Variants in CYP20A1 observed in about 807,000 individuals in gnomAD.
CYP20A1 encodes cytochrome P450 20A1.
A neutral mutation model predicts 61.4 loss-of-function variants in CYP20A1; 61 were observed. The ratio of observed to expected loss-of-function variants is 0.99; its 90% CI spans 0.81 to 1.23. CYP20A1 has a LOEUF of 1.23. Among genes scored for constraint, CYP20A1 ranks in the 50% most tolerant of loss-of-function variants. The pLI is 0.00. For missense variants in CYP20A1, 530 were observed against 542.4 expected (o/e 0.98, Z 0.23); for synonymous variants, 193 against 188.2 (o/e 1.03, Z -0.21).
chr2:203,257,572 A>C (rs994250456), intron 4 of CYP20A1, among the ~76,000 whole-genome samples: 2 of 151,962 alleles, frequency 1.3e-5, no homozygotes, highest in Admixed American at 1.3e-4. Flanking sequence ...GGTGGATCAC[A>C]AGGTCAGGAG....
chr2:203,278,605 A>G lies in CYP20A1; in HGVS notation c.712A>G (p.Ile238Val). 3.7e-6 allele frequency: 6 copies of G among 1,605,254 alleles called. No individual in the cohort carries two copies. The highest frequency in any genetic ancestry group is 5.1e-6 in the Non-Finnish European group (6 of 1,175,950). Reference protein sequence around the residue: ...LMQLESVLRNIIKERKGRNFS... With the variant: ...LMQLESVLRNVIKERKGRNFS... ...GCAACTGGAGTCTGTTTTAAGGAAC[A>G]TCATAAAAGAACGAAAAGGAAGGAA... The change falls in exon 7 of 13, where the codon ATC becomes GTC. Residue 238 changes from isoleucine to valine, a missense_variant. Transcript: ENST00000356079.
At chr2:203,269,541 C>T (rs1313437294) in intron 5 of CYP20A1, among the ~76,000 whole-genome samples, 2 of 149,042 alleles carry the variant, frequency 1.3e-5, no homozygotes. Flanking sequence ...ATCGCACAGG[C>T]TAGAATGCAG....
In CYP20A1 at chr2:203,298,715, A is replaced by G. The variant is rs1440802148; in HGVS notation, c.*1807A>G. Reference sequence around the variant, plus strand: ...ACTCATTCTCAAAAAAAAAAAAAAAAGGAGGTGGGGAGAGCTATTTCAAGA... The same window carrying G: ...ACTCATTCTCAAAAAAAAAAAAAAAGGGAGGTGGGGAGAGCTATTTCAAGA... On this transcript the variant is annotated 3_prime_UTR_variant, in exon 13 of 13. Transcript: ENST00000356079. 1.3e-5 allele frequency among the ~76,000 whole-genome samples: 2 copies of G among 148,626 alleles called. No individual in the cohort carries two copies.
At chr2:203,292,007 C>T (rs961341427) in intron 10 of CYP20A1, among the ~76,000 whole-genome samples, 3 of 152,092 alleles carry the variant, frequency 2.0e-5, no homozygotes, top group African/African-American at 7.2e-5. Context: ...AGGACATGAA[C>T]TCTGGATGCA....
intron 4 of CYP20A1, among the ~76,000 whole-genome samples, chr2:203,256,400 G>A (rs921629572): frequency 3.3e-5 from 5 of 151,856 alleles, no homozygotes; most frequent in Admixed American, 3.3e-4. Flanking sequence ...CGCTCTGTCT[G>A]CCAGGCTGGA....
intron 3 of CYP20A1, among the ~76,000 whole-genome samples, chr2:203,250,108 A>G (rs1394465767): frequency 6.6e-6 from 1 of 152,204 alleles, no homozygotes; most frequent in Non-Finnish European, 1.5e-5. Flanking sequence ...TAACAATAAT[A>G]TCTTAAGGAG....
intron 5 of CYP20A1, among the ~76,000 whole-genome samples, chr2:203,271,561 G>T (rs1293810462): frequency 2.0e-5 from 3 of 152,058 alleles, no homozygotes; most frequent in Non-Finnish European, 4.4e-5. Context: ...TCAGGTTAAA[G>T]TTTTTTCAGG....
intron 4 of CYP20A1, among the ~76,000 whole-genome samples, chr2:203,258,109 C>T (rs775919525): frequency 6.8e-6 from 1 of 146,334 alleles, no homozygotes; most frequent in South Asian, 2.2e-4. Flanking sequence ...CACTATATTT[C>T]CTATGCTACT....
intron 8 of CYP20A1, among the ~76,000 whole-genome samples, chr2:203,283,692 G>A (rs1182904712): frequency 6.6e-6 from 1 of 151,506 alleles, no homozygotes; most frequent in Non-Finnish European, 1.5e-5. Flanking sequence ...GGGACTAGAG[G>A]CGCGTGCCAC....
rs2067983124 is a variant in CYP20A1 at position 203,280,124 on chromosome 2, A to G, written c.850+11A>G. The G allele has an allele frequency of 3.8e-6, 6 of 1,593,748 alleles. No homozygotes were observed. Among genetic ancestry groups the G allele is most frequent in the Non-Finnish European group, 4.3e-6 (5 of 1,167,038 alleles). ...TAATAACTGCAAAATGTAAGTATAAATTGATTTCTTTTTCAGAGGAATTAC... is the reference window on the plus strand; with the variant it reads ...TAATAACTGCAAAATGTAAGTATAAGTTGATTTCTTTTTCAGAGGAATTAC... On this transcript the variant is annotated intron_variant, in intron 8 of 12. Transcript: ENST00000356079.
At chr2:203,253,200 C>A (rs1035396127) in intron 4 of CYP20A1, among the ~76,000 whole-genome samples, 15 of 152,154 alleles carry the variant, frequency 9.9e-5, no homozygotes. Context: ...TGCCTTGGGC[C>A]CCAAAACCTT....
chr2:203,247,105 A>G (rs188291546), intron 3 of CYP20A1, among the ~76,000 whole-genome samples, 184 bp downstream of exon 3: 2 of 152,102 alleles, frequency 1.3e-5, no homozygotes, highest in East Asian at 3.9e-4. Flanking sequence ...TACTAAAAAT[A>G]CAAACACTAG....
Position 203,298,218 on chromosome 2 carries a change from C to G in CYP20A1, c.*1310C>G, listed in dbSNP as rs911105425. The G allele has an allele frequency of 6.4e-6, 1 of 155,646 alleles. No homozygotes were observed. Among genetic ancestry groups the G allele is most frequent in the Non-Finnish European group, 1.4e-5 (1 of 70,370 alleles). The allele number at this position is 155,646 out of a possible 1,614,324, so 9.6% of individuals were successfully genotyped here. A position where few individuals can be genotyped will look rare whatever the true frequency, so the allele number is the denominator to read the frequency against. ...GCCCAGGCAACATTGGGAGACCCTG[C>G]CTCTACAAATATACAAAAAAATTAC... On this transcript the variant is annotated 3_prime_UTR_variant, in exon 13 of 13. Coordinates refer to ENST00000356079, the MANE Select transcript of CYP20A1 (RefSeq NM_177538.3).
At chr2:203,289,157 A>G (rs2068425433) in intron 9 of CYP20A1, among the ~76,000 whole-genome samples, 1 of 152,130 alleles carries the variant, frequency 6.6e-6, no homozygotes, top group African/African-American at 2.4e-5. Flanking sequence ...AAAAAATGCT[A>G]TGATTGGCAA....
rs2066486001 is a variant in CYP20A1, at chr2:203,247,031, C to T, written c.289+110C>T. The T allele has an allele frequency of 3.8e-6, 4 of 1,044,958 alleles. No homozygotes were observed. The Admixed American group carries it at 9.3e-5, about 24-fold the overall frequency. 64.7% of individuals were successfully genotyped at this position (1,044,958 alleles called of 1,614,324 possible). On this transcript the variant is annotated intron_variant, in intron 3 of 12. Coordinates refer to ENST00000356079, the MANE Select transcript of CYP20A1 (RefSeq NM_177538.3). The stretch of plus-strand genomic sequence containing the variant: ...ATCCCAACACTTTGGGAGGCTGAGG[C>T]AGGTGGATCACATGAGGCCAGGAGT...
At chr2:203,244,307 T>C (rs1247254365) in intron 1 of CYP20A1, among the ~76,000 whole-genome samples, 1 of 152,124 alleles carries the variant, frequency 6.6e-6, no homozygotes, top group Non-Finnish European at 1.5e-5. Flanking sequence ...GTTCAAGTGA[T>C]TCTCATGCCT....
At chr2:203,258,845 A>G (rs1387549630) in intron 4 of CYP20A1, among the ~76,000 whole-genome samples, 3 of 152,172 alleles carry the variant, frequency 2.0e-5, no homozygotes, top group Non-Finnish European at 2.9e-5. Context: ...TGTTGCCTCT[A>G]TTTAAGCACT....
At chr2:203,257,608 T>A (rs1275715958) in intron 4 of CYP20A1, among the ~76,000 whole-genome samples, 1 of 151,892 alleles carries the variant, frequency 6.6e-6, no homozygotes, top group Non-Finnish European at 1.5e-5. Flanking sequence ...GCCAACAAAG[T>A]GAAACTCCGT....
chr2:203,294,010 G>C (rs2152112807), intron 11 of CYP20A1, among the ~76,000 whole-genome samples: 1 of 151,936 alleles, frequency 6.6e-6, no homozygotes, highest in Admixed American at 6.6e-5. Context: ...CAGAGACAGG[G>C]TCATGCTCTG....
Sources: gnomAD v4.1 joint callset for allele counts (sites outside exome capture counted in the v4.1 genomes callset) on GRCh38, gnomAD v4.1.1 for gene constraint, MANE v1.5 for transcripts, NCBI Gene and HGNC (gene_info 2026-07-23, HGNC 2026-07-21) for gene names.